Variants in PARD3B observed in about 807,000 individuals in gnomAD.
PARD3B encodes partitioning defective 3 homolog B.
In PARD3B, 103 loss-of-function variants were observed where a neutral mutation model predicts 130.2. The observed-to-expected ratio is 0.79, with a 90% confidence interval of 0.67 to 0.93. The LOEUF (loss-of-function observed/expected upper bound fraction) is 0.93. Ranked by LOEUF, PARD3B falls within the 40% of genes least tolerant of loss-of-function variation. PARD3B has a pLI of 0.00. For missense variants in PARD3B, 1,609 were observed against 1,499.2 expected (o/e 1.07, Z -1.21); for synonymous variants, 583 against 553.2 (o/e 1.05, Z -0.76).
intron 12 of PARD3B, 62 bp downstream of exon 12, chr2:205,172,443 TC>T: frequency 6.6e-7 from 1 of 1,503,984 alleles, no homozygotes; most frequent in Non-Finnish European, 9.1e-7. Context: ...TATGCAGACT[TC>T]CATTCCTAGT....
intron 13 of PARD3B, among the ~76,000 whole-genome samples, chr2:205,178,861 T>G (rs555058450): frequency 8.3e-4 from 127 of 152,356 alleles, no homozygotes; most frequent in Non-Finnish European, 1.5e-3. Flanking sequence ...TTCCTAATGC[T>G]ATACTATAAT....
At chr2:204,577,444 C>T (rs1437414497) in intron 1 of PARD3B, among the ~76,000 whole-genome samples, 1 of 152,204 alleles carries the variant, frequency 6.6e-6, no homozygotes, top group Admixed American at 6.5e-5. Context: ...GGTTCCAAGC[C>T]CAGCCTGTCT....
At position 205,352,900 on chromosome 2, in the gene PARD3B, G is replaced by A. The variant is rs10932105; in HGVS notation, c.2631-48113G>A. ...ATTAGGAAAGAATAACCCCCCACCA[G>A]TGGCCACATCATATGGAGAAAGAAC... is the stretch of plus-strand genomic sequence containing the variant. On this transcript the variant is annotated intron_variant, in intron 18 of 22. Transcript: ENST00000406610. This position sits in a 1 kb window ranked among gnomAD's most constrained non-coding sequence, Gnocchi z 5.2. 0.59 allele frequency among the ~76,000 whole-genome samples: 90,345 copies of A among 151,960 alleles called. 30,538 individuals carry two copies. Among genetic ancestry groups the A allele is most frequent in the South Asian group, 0.77 (3,691 of 4,806 alleles).
rs2053239326 is a variant in PARD3B, at chr2:205,564,183, A to G, written c.3260+10780A>G. ...CATCTGAAATTTCTGGGCTTTCTGCAGCATCAAGGTGTCTGGTACTAGGCT... is the reference window on the plus strand; with the variant it reads ...CATCTGAAATTTCTGGGCTTTCTGCGGCATCAAGGTGTCTGGTACTAGGCT... On this transcript the variant is annotated intron_variant, in intron 22 of 22. Coordinates refer to ENST00000406610, the MANE Select transcript of PARD3B (RefSeq NM_001302769.2). This position sits in a 1 kb window ranked among gnomAD's most constrained non-coding sequence, Gnocchi z 4.6. 1.3e-5 allele frequency among the ~76,000 whole-genome samples: 2 copies of G among 152,204 alleles called. No individual in the cohort carries two copies. Among genetic ancestry groups the G allele is most frequent in the African/African-American group, 4.8e-5 (2 of 41,458 alleles).
At chr2:205,599,270 A>G (rs2054690521) in intron 22 of PARD3B, among the ~76,000 whole-genome samples, 1 of 152,206 alleles carries the variant, frequency 6.6e-6, no homozygotes, top group African/African-American at 2.4e-5. Flanking sequence ...GGCTCATGGT[A>G]GATCTTACAT....
At chr2:205,469,556 CTTAAGGGGAA>C (rs2048752265) in intron 20 of PARD3B, among the ~76,000 whole-genome samples, 11 of 152,276 alleles carry the variant, frequency 7.2e-5, no homozygotes, top group Middle Eastern at 3.4e-3. Flanking sequence ...TCAGAAGCTT[CTTAAGGGGAA>C]CAAGGTTGTT....
At chr2:205,465,926 A>G (rs80202340) in intron 20 of PARD3B, among the ~76,000 whole-genome samples, 2,796 of 152,306 alleles carry the variant, frequency 0.018, 72 homozygotes, top group African/African-American at 0.058. Context: ...TCATAAGCAG[A>G]GTGAGAGGCA....
chr2:205,474,508 C>T (rs1349108192), intron 20 of PARD3B, among the ~76,000 whole-genome samples: 2 of 152,092 alleles, frequency 1.3e-5, no homozygotes, highest in Non-Finnish European at 2.9e-5. Flanking sequence ...TTGAAACCAT[C>T]GCTTTTAAGG....
chr2:204,652,608 G>T (rs1239984504), intron 1 of PARD3B, among the ~76,000 whole-genome samples: 2 of 152,288 alleles, frequency 1.3e-5, no homozygotes, highest in East Asian at 3.9e-4. Flanking sequence ...ACCTCTGCCT[G>T]TTACCAAGTT....
At chr2:204,941,441 C>A (rs948397680) in intron 2 of PARD3B, among the ~76,000 whole-genome samples, 1 of 152,212 alleles carries the variant, frequency 6.6e-6, no homozygotes, top group Non-Finnish European at 1.5e-5. Context: ...TAATTAACAA[C>A]CTGGCTATGA....
At chr2:205,537,803 C>T (rs940108498) in intron 21 of PARD3B, among the ~76,000 whole-genome samples, 9 of 152,198 alleles carry the variant, frequency 5.9e-5, no homozygotes, top group Admixed American at 5.2e-4. Context: ...TAATAAAATG[C>T]ATATTTCATA....
chr2:205,553,265 A>C, intron 21 of PARD3B, 59 bp from the exon 22 acceptor site: 1 of 1,503,658 alleles, frequency 6.7e-7, no homozygotes. Context: ...TTCGAGATGC[A>C]TTGTCAGTAA....
intron 2 of PARD3B, among the ~76,000 whole-genome samples, chr2:204,731,082 T>G (rs142242315): frequency 6.6e-6 from 1 of 152,300 alleles, no homozygotes; most frequent in East Asian, 1.9e-4. Flanking sequence ...ATGTGATGCT[T>G]TATAATCCCT....
chr2:205,193,386 TC>T (rs2036499797), intron 15 of PARD3B, 66 bp downstream of exon 15: 2 of 1,274,896 alleles, frequency 1.6e-6, no homozygotes, highest in South Asian at 2.5e-5. Flanking sequence ...TTCCCAAATG[TC>T]CTGGTTTTGT....
intron 22 of PARD3B, among the ~76,000 whole-genome samples, chr2:205,602,992 G>T (rs952174330): frequency 2.0e-5 from 3 of 152,118 alleles, no homozygotes; most frequent in African/African-American, 7.2e-5. Context: ...TTTGGTGTGG[G>T]CATTAGTGCT....
At chr2:205,356,187 G>A (rs1008484047) in intron 18 of PARD3B, among the ~76,000 whole-genome samples, 2 of 152,010 alleles carry the variant, frequency 1.3e-5, no homozygotes, top group Non-Finnish European at 2.9e-5. Context: ...CATCGATAAA[G>A]GTTTATCAAA....
intron 15 of PARD3B, among the ~76,000 whole-genome samples, chr2:205,204,848 G>A (rs989204309): frequency 2.0e-5 from 3 of 152,112 alleles, no homozygotes; most frequent in African/African-American, 7.2e-5. Flanking sequence ...TTTTGTTACT[G>A]TAGCCTTGTA....
At chr2:205,103,048 A>G (rs1702897000) in intron 4 of PARD3B, among the ~76,000 whole-genome samples, 1 of 151,626 alleles carries the variant, frequency 6.6e-6, no homozygotes, top group African/African-American at 2.4e-5. Flanking sequence ...AGCCTGGGCG[A>G]CAGAGCTCAA....
chr2:205,457,552 C>A (rs2048317496), intron 20 of PARD3B, among the ~76,000 whole-genome samples: 1 of 151,852 alleles, frequency 6.6e-6, no homozygotes, highest in South Asian at 2.1e-4. Context: ...CTGTGTTTCC[C>A]AGAATACTTT....
Sources: gnomAD v4.1 joint callset for allele counts (sites outside exome capture counted in the v4.1 genomes callset) on GRCh38, gnomAD v4.1.1 for gene constraint, Gnocchi (gnomAD v3.1) non-coding constraint, MANE v1.5 for transcripts, NCBI Gene and HGNC (gene_info 2026-07-23, HGNC 2026-07-21) for gene names.